Variants in ADCK1 observed in about 807,000 individuals in gnomAD.
The protein encoded by ADCK1 is aarF domain-containing protein kinase 1.
In ADCK1, 41 loss-of-function variants were observed where a neutral mutation model predicts 52.3. The observed-to-expected ratio is 0.78, with a 90% confidence interval of 0.61 to 1.02. ADCK1 has a LOEUF of 1.02. ADCK1 is among the 50% of genes least tolerant of loss of function. The pLI is 0.00. For synonymous variants in ADCK1, 250 were observed against 274.6 expected (o/e 0.91, Z 0.89); for missense variants, 658 against 679.5 (o/e 0.97, Z 0.35).
intron 4 of ADCK1, among the ~76,000 whole-genome samples, chr14:77,886,632 A>C (rs2083153714): frequency 6.6e-6 from 1 of 152,166 alleles, no homozygotes; most frequent in Non-Finnish European, 1.5e-5. Context: ...ATAAAGCAAA[A>C]AAATCTGTCC....
intron 9 of ADCK1, among the ~76,000 whole-genome samples, chr14:77,929,545 T>C (rs1369017559): frequency 1.3e-5 from 2 of 152,146 alleles, no homozygotes; most frequent in East Asian, 3.8e-4. Flanking sequence ...CCTAAACCAG[T>C]CATGTGGCAA....
intron 10 of ADCK1, among the ~76,000 whole-genome samples, chr14:77,932,193 C>T (rs966747955): frequency 1.3e-5 from 2 of 152,048 alleles, no homozygotes; most frequent in Non-Finnish European, 2.9e-5. Flanking sequence ...GAATTACAGG[C>T]ACCCACCACC....
At chr14:77,918,989 C>G (rs2083987831) in intron 7 of ADCK1, among the ~76,000 whole-genome samples, 1 of 152,202 alleles carries the variant, frequency 6.6e-6, no homozygotes, top group South Asian at 2.1e-4. Context: ...TGTTTAAACG[C>G]CCATAAACAC....
intron 7 of ADCK1, among the ~76,000 whole-genome samples, chr14:77,919,218 A>ATG (rs2083993680): frequency 6.6e-6 from 1 of 152,144 alleles, no homozygotes; most frequent in African/African-American, 2.4e-5. Flanking sequence ...CCAGGCCCCA[A>ATG]TGTGTAGTCT....
intron 3 of ADCK1, among the ~76,000 whole-genome samples, chr14:77,827,506 C>T (rs2081740697): frequency 6.6e-6 from 1 of 151,590 alleles, no homozygotes; most frequent in African/African-American, 2.4e-5. Context: ...TTTCTTGCAG[C>T]CGAATGAGTC....
chr14:77,892,449 T>G (rs2083301665), intron 5 of ADCK1, among the ~76,000 whole-genome samples: 1 of 152,146 alleles, frequency 6.6e-6, no homozygotes, highest in Non-Finnish European at 1.5e-5. Flanking sequence ...TGTCTGGAAC[T>G]TGGGTCAGCT....
chr14:77,842,045 GGCACCATT>G (rs1426581758), intron 3 of ADCK1, among the ~76,000 whole-genome samples: 1 of 151,942 alleles, frequency 6.6e-6, no homozygotes, highest in Admixed American at 6.6e-5. Flanking sequence ...GAGCTATGAT[GGCACCATT>G]GTACCCCAGC....
chr14:77,905,304 G>GGTTTTTTTTTTTT (rs2083636578), intron 6 of ADCK1, among the ~76,000 whole-genome samples: 1 of 96,278 alleles, frequency 1.0e-5, no homozygotes, highest in African/African-American at 4.3e-5. Context: ...TTCCTAGCTG[G>GGTTTTTTTTTTTT]TTTTTTTTTT....
chr14:77,805,903 G>A (rs905372678), intron 1 of ADCK1, among the ~76,000 whole-genome samples: 1 of 151,092 alleles, frequency 6.6e-6, no homozygotes, highest in African/African-American at 2.4e-5. Context: ...CTCTGATCAC[G>A]TGACTCCTGA....
intron 4 of ADCK1, among the ~76,000 whole-genome samples, chr14:77,869,991 A>G (rs535816718): frequency 3.3e-5 from 5 of 152,348 alleles, no homozygotes; most frequent in Admixed American, 2.0e-4. Flanking sequence ...ACCCAGCCTC[A>G]GGTATTTATA....
intron 4 of ADCK1, among the ~76,000 whole-genome samples, chr14:77,868,191 C>A (rs773394753): frequency 6.6e-6 from 1 of 152,220 alleles, no homozygotes; most frequent in African/African-American, 2.4e-5. Flanking sequence ...GTGCGACCCC[C>A]ACATTTCACA....
intron 4 of ADCK1, among the ~76,000 whole-genome samples, chr14:77,883,462 A>G (rs1027324954): frequency 2.6e-5 from 4 of 152,184 alleles, no homozygotes; most frequent in African/African-American, 9.7e-5. Context: ...CTATCAGCAT[A>G]AAGTACTTCC....
chr14:77,895,289 A>T (rs770112478), intron 5 of ADCK1, among the ~76,000 whole-genome samples: 1 of 152,238 alleles, frequency 6.6e-6, no homozygotes, highest in Non-Finnish European at 1.5e-5. Flanking sequence ...TTCAGAAGTT[A>T]TGGCTCTTTC....
chr14:77,822,858 A>C lies in ADCK1; in HGVS notation c.219+340A>C, dbSNP rs774311525. On this transcript the variant is annotated intron_variant, in intron 3 of 10. Transcript: ENST00000238561. The stretch of plus-strand genomic sequence containing the variant: ...TCAGACTGTCATCAAGCTGGATGCC[A>C]TGGTACTGAGGTTATCAATTTGCAA... Among the ~76,000 whole-genome samples the C allele has an allele frequency of 9.7e-4, 147 of 152,086 alleles. 3 individuals are homozygous for C. Among genetic ancestry groups the C allele is most frequent in the Non-Finnish European group, 2.2e-4 (15 of 68,010 alleles).
At chr14:77,878,540 A>C (rs1162357521) in intron 4 of ADCK1, among the ~76,000 whole-genome samples, 2 of 152,160 alleles carry the variant, frequency 1.3e-5, no homozygotes, top group African/African-American at 4.8e-5. Context: ...GCCTGGGTCT[A>C]ATCTCCTGGT....
intron 4 of ADCK1, among the ~76,000 whole-genome samples, chr14:77,864,729 A>C (rs1237102683): frequency 6.6e-6 from 1 of 151,874 alleles, no homozygotes; most frequent in Non-Finnish European, 1.5e-5. Context: ...AGAGAGACTG[A>C]TTGATGTTAA....
chr14:77,816,594 C>T (rs1477704423), intron 1 of ADCK1, among the ~76,000 whole-genome samples: 1 of 152,248 alleles, frequency 6.6e-6, no homozygotes, highest in Admixed American at 6.5e-5. Flanking sequence ...AGCTTCACGC[C>T]CTTTCGCTGT....
intron 5 of ADCK1, among the ~76,000 whole-genome samples, chr14:77,897,826 G>A (rs2083444102): frequency 6.6e-6 from 1 of 152,202 alleles, no homozygotes; most frequent in Admixed American, 6.5e-5. Flanking sequence ...TTTGTGAACA[G>A]ACCAGAACAG....
At chr14:77,927,915 G>C (rs35766394) in intron 9 of ADCK1, among the ~76,000 whole-genome samples, 1 of 152,066 alleles carries the variant, frequency 6.6e-6, no homozygotes, top group East Asian at 1.9e-4. Flanking sequence ...AAAGCCCTTC[G>C]TAGGCTCTGA....
Sources: gnomAD v4.1 joint callset for allele counts (sites outside exome capture counted in the v4.1 genomes callset) on GRCh38, gnomAD v4.1.1 for gene constraint, MANE v1.5 for transcripts, NCBI Gene and HGNC (gene_info 2026-07-23, HGNC 2026-07-21) for gene names.